Variants in NLRC5 observed in about 807,000 individuals in gnomAD.
NLRC5 encodes protein NLRC5.
A neutral mutation model predicts 206.9 loss-of-function variants in NLRC5; 114 were observed. The observed-to-expected ratio is 0.55, with a 90% CI of 0.47 to 0.64. The LOEUF is 0.64. Among genes scored for constraint, NLRC5 ranks in the 30% least tolerant of loss-of-function variants. The pLI, the probability that NLRC5 is intolerant of heterozygous loss-of-function variation, is 0.00. For synonymous variants in NLRC5, 952 were observed against 962.8 expected (o/e 0.99, Z 0.21); for missense variants, 2,008 against 2,305.5 (o/e 0.87, Z 2.64).
At chr16:57,065,379 G>A (rs1238811333) in intron 33 of NLRC5, 81 bp downstream of exon 33, 2 of 1,011,324 alleles carry the variant, frequency 2.0e-6, no homozygotes, top group African/African-American at 1.7e-5. Flanking sequence ...CCCTCATCCT[G>A]TGGGGTAATA....
chr16:57,061,652 G>T lies in NLRC5; in HGVS notation c.4105G>T (p.Ala1369Ser). The T allele has an allele frequency of 6.2e-7, 1 of 1,610,244 alleles. No homozygotes were observed. Residue 1369 changes from alanine (A) to serine (S), a missense_variant, in exon 32 of 49, where the codon GCC becomes TCC. Coordinates refer to ENST00000688547, the MANE Select transcript of NLRC5 (RefSeq NM_001384950.1). ...TQCCLGQKQL[A>S]ILLSLVGRPA... ...GTGCTGCCTGGGCCAGAAGCAGCTG[G>T]CCATCCTCCTGAGCTTGGTGGGGCG...
chr16:57,051,555 T>C lies in NLRC5; in HGVS notation c.3440T>C (p.Leu1147Pro). 6.2e-7 allele frequency: 1 copy of C among 1,614,044 alleles called. No individual in the cohort carries two copies. The highest frequency in any genetic ancestry group is 1.1e-5 in the South Asian group (1 of 91,088). The change falls in exon 24 of 49, where the codon CTG (leucine) becomes CCG (proline). Residue 1147 changes from leucine (L) to proline (P), a missense_variant. Physicochemically the swap from Leu to Pro is moderately conservative, Grantham distance 98. Coordinates refer to ENST00000688547, the MANE Select transcript of NLRC5 (RefSeq NM_001384950.1). ...PLELQLSCEF[L>P]SDQSLETLLD... Reference sequence around the variant, plus strand: ...TTTCACAGATTGTCCTGTGAGTTCCTGAGTGACCAGAGCCTGGAGACTCTA... The same window carrying C: ...TTTCACAGATTGTCCTGTGAGTTCCCGAGTGACCAGAGCCTGGAGACTCTA...
chr16:57,080,729 A>G (rs1163944038), intron 46 of NLRC5: 5 of 185,696 alleles, frequency 2.7e-5, no homozygotes, highest in African/African-American at 4.8e-5. Context: ...GGCCTCCCAA[A>G]GTGCTGGGAT....
Position 57,081,596 on chromosome 16 carries a change from C to T in NLRC5, c.5475C>T (p.Ser1825=), listed in dbSNP as rs772059846. The T allele has an allele frequency of 6.2e-7, 1 of 1,613,820 alleles. No homozygotes were observed. Among genetic ancestry groups the T allele is most frequent in the African/African-American group, 1.3e-5 (1 of 74,914 alleles). The change falls in exon 48 of 49, where the codon AGC becomes AGT. Residue 1825 remains serine, a synonymous_variant. Transcript: ENST00000688547. ...LLAEGLAQGS[S]IQVIRLWNNP... Reference sequence around the variant, plus strand: ...CTGAAGGACTGGCCCAGGGGTCTAGCATCCAAGTCATCCGGTAACAGAGGC... The same window carrying T: ...CTGAAGGACTGGCCCAGGGGTCTAGTATCCAAGTCATCCGGTAACAGAGGC...
intron 30 of NLRC5, 29 bp downstream of exon 30, chr16:57,059,561 G>A (rs2066143504): frequency 1.3e-6 from 2 of 1,581,398 alleles, no homozygotes; most frequent in South Asian, 2.3e-5. Context: ...TGGGACAGGG[G>A]ACAGAGAGGG....
chr16:57,025,671 A>G lies in NLRC5; in HGVS notation c.728A>G (p.Gln243Arg). ...ACCACGCTGGCCCACCGGCTCTGCC[A>G]GAAGTGGGCAGAGGGCCATCTGAAC... ...GKTTLAHRLC[Q>R]KWAEGHLNCF... The change falls in exon 6 of 49, where the codon CAG becomes CGG. Residue 243 changes from glutamine to arginine, a missense_variant. Physicochemically the swap from Gln to Arg is conservative, Grantham distance 43. Coordinates refer to ENST00000688547, the MANE Select transcript of NLRC5 (RefSeq NM_001384950.1). The G allele has an allele frequency of 6.2e-7, 1 of 1,614,220 alleles. No individual in the cohort carries two copies. The highest frequency in any genetic ancestry group is 8.5e-7 in the Non-Finnish European group (1 of 1,180,028).
chr16:57,036,040 G>A lies in NLRC5; in HGVS notation c.2628-60G>A. 2.0e-6 allele frequency: 3 copies of A among 1,477,456 alleles called. No individual in the cohort carries two copies. The South Asian group carries it at 3.4e-5, about 17-fold the overall frequency. 91.5% of individuals were successfully genotyped at this position (1,477,456 alleles called of 1,614,324 possible). ...TAAAGTTAGCAAAGGAGGAGTAAGT[G>A]ATGGGGATTGAGGGAGGACTCCAGC... On this transcript the variant is annotated intron_variant, in intron 13 of 48. Transcript: ENST00000688547.
chr16:57,055,435 G>C lies in NLRC5; in HGVS notation c.3662G>C (p.Arg1221Thr). The change falls in exon 27 of 49, where the codon AGG becomes ACG. Residue 1221 changes from arginine to threonine, a missense_variant and splice_region_variant. Transcript: ENST00000688547. Reference protein sequence around the residue: ...NEEEEGVCCGRFTGCSLSQEH... With the variant: ...NEEEEGVCCGTFTGCSLSQEH... The stretch of plus-strand genomic sequence containing the variant: ...TTGTCCCCTTTACCTCCGTCCAGCA[G>C]GTTCACAGGCTGCAGCCTCAGCCAG... The C allele has an allele frequency of 6.2e-7, 1 of 1,613,918 alleles. No homozygotes were observed. Among genetic ancestry groups the C allele is most frequent in the Non-Finnish European group, 8.5e-7 (1 of 1,179,916 alleles).
chr16:57,041,476 C>G lies in NLRC5; in HGVS notation c.2940-9C>G. 1 of 1,613,122 alleles carries G rather than the reference C, an allele frequency of 6.2e-7. No homozygotes were observed. The highest frequency in any genetic ancestry group is 8.5e-7 in the Non-Finnish European group (1 of 1,179,418). On this transcript the variant is annotated splice_polypyrimidine_tract_variant and intron_variant, in intron 17 of 48. Coordinates refer to ENST00000688547, the MANE Select transcript of NLRC5 (RefSeq NM_001384950.1). ...GGGCATGCAGCACTGTGTTTTTGTC[C>G]CTGGGCAGGCTGACACATTGTGGCC...
chr16:57,062,026 A>G, intron 32 of NLRC5: 2 of 1,399,562 alleles, frequency 1.4e-6, no homozygotes, highest in Non-Finnish European at 1.9e-6. Flanking sequence ...CACTATGATC[A>G]TTTTAAAACA....
At chr16:56,997,350 G>A (rs540851416) in intron 1 of NLRC5, among the ~76,000 whole-genome samples, 1 of 152,252 alleles carries the variant, frequency 6.6e-6, no homozygotes, top group African/African-American at 2.4e-5. Context: ...CAGCCAATGA[G>A]CATTGGCTGC....
At chr16:57,009,463 T>C (rs1237608262) in intron 1 of NLRC5, among the ~76,000 whole-genome samples, 1 of 151,636 alleles carries the variant, frequency 6.6e-6, no homozygotes, top group Non-Finnish European at 1.5e-5. Context: ...CATGGTGGCG[T>C]GTGCCTGTGG....
chr16:57,068,460 C>A (rs998117714), intron 36 of NLRC5, among the ~76,000 whole-genome samples: 3 of 151,988 alleles, frequency 2.0e-5, no homozygotes, highest in African/African-American at 2.4e-5. Flanking sequence ...CAAATTCACC[C>A]TTTGCCAATC....
In NLRC5 at chr16:57,052,663, G is replaced by C. The variant is rs187530706; in HGVS notation, c.3506+1042G>C. ...CTCTCTGGGATGTCTAAGATGGCTC[G>C]CATCACCTCCAGGATCTCGCTTATG... is the stretch of plus-strand genomic sequence containing the variant. On this transcript the variant is annotated intron_variant, in intron 24 of 48. Coordinates refer to ENST00000688547, the MANE Select transcript of NLRC5 (RefSeq NM_001384950.1). 5 of 152,142 alleles carry C rather than the reference G, an allele frequency of 3.3e-5. No homozygotes were observed. In the South Asian group the frequency reaches 8.3e-4, roughly 25 times the overall value. The allele number at this position is 152,142 out of a possible 1,614,324, so 9.4% of individuals were successfully genotyped here. A position where few individuals can be genotyped will look rare whatever the true frequency, so the allele number is the denominator to read the frequency against.
chr16:57,077,613 G>A, intron 41 of NLRC5, 106 bp from the exon 42 acceptor site: 2 of 1,165,476 alleles, frequency 1.7e-6, no homozygotes, highest in Middle Eastern at 2.1e-4. Context: ...GTGTCGGGGG[G>A]TTGTCTCTTA....
chr16:56,989,977 AC>A (rs1353668992), intron 1 of NLRC5, among the ~76,000 whole-genome samples: 3 of 152,170 alleles, frequency 2.0e-5, no homozygotes, highest in African/African-American at 7.2e-5. Flanking sequence ...TTACTTTGCA[AC>A]TTTTCATTGA....
rs79567966 is a variant in NLRC5 at position 57,070,607 on chromosome 16, A to G, written c.4656A>G (p.Leu1552=). 31,827 of 1,613,634 alleles carry G rather than the reference A, an allele frequency of 0.02. 411 individuals are homozygous for G. The highest frequency in any genetic ancestry group is 0.071 in the Middle Eastern group (431 of 6,056). The change falls in exon 38 of 49, where the codon CTA becomes CTG. Residue 1552 remains leucine (L), a synonymous_variant. Coordinates refer to ENST00000688547, the MANE Select transcript of NLRC5 (RefSeq NM_001384950.1). ...LMRALEGKWM[L]KRLDLSHLLL... Reference sequence around the variant, plus strand: ...GGGCCCTTGAGGGGAAATGGATGCTAAAGAGGCTGGAGTAAGTAGTGATGG... The same window carrying G: ...GGGCCCTTGAGGGGAAATGGATGCTGAAGAGGCTGGAGTAAGTAGTGATGG...
At chr16:57,032,374 A>G (rs1342905318) in intron 11 of NLRC5, among the ~76,000 whole-genome samples, 1 of 152,090 alleles carries the variant, frequency 6.6e-6, no homozygotes, top group African/African-American at 2.4e-5. Flanking sequence ...TGGGTGACAG[A>G]GAGGGACTCT....
At chr16:57,008,222 T>C (rs989342131) in intron 1 of NLRC5, among the ~76,000 whole-genome samples, 1 of 152,206 alleles carries the variant, frequency 6.6e-6, no homozygotes, top group Non-Finnish European at 1.5e-5. Flanking sequence ...ACCCCGCCTC[T>C]ATTTTTTAAA....
Sources: gnomAD v4.1 joint callset for allele counts (sites outside exome capture counted in the v4.1 genomes callset) on GRCh38, gnomAD v4.1.1 for gene constraint, MANE v1.5 for transcripts, NCBI Gene and HGNC (gene_info 2026-07-23, HGNC 2026-07-21) for gene names.